The following AFF3 variants were observed in gnomAD, a reference collection of about 807,000 sequenced individuals.
The protein encoded by AFF3 is ALF transcription elongation factor 3.
AFF3 carries 32 observed loss-of-function variants against 129.7 expected under a neutral mutation model. That is an observed-to-expected ratio of 0.25 (90% CI 0.19 to 0.33). AFF3 has a LOEUF of 0.33. Among genes scored for constraint, AFF3 ranks in the 10% least tolerant of loss-of-function variants. The pLI is 1.00. For synonymous variants in AFF3, 644 were observed against 635.4 expected (o/e 1.01, Z -0.20); for missense variants, 1,373 against 1,592.0 (o/e 0.86, Z 2.34).
At chr2:99,673,202 G>C (rs1299883629) in intron 11 of AFF3, among the ~76,000 whole-genome samples, 1 of 152,038 alleles carries the variant, frequency 6.6e-6, no homozygotes, top group Non-Finnish European at 1.5e-5. Flanking sequence ...ATGAGAAAAA[G>C]AGCCATAAAG....
intron 4 of AFF3, among the ~76,000 whole-genome samples, chr2:100,015,181 T>G (rs1244621238): frequency 6.6e-6 from 1 of 152,122 alleles, no homozygotes; most frequent in Non-Finnish European, 1.5e-5. Context: ...AACCTATCAT[T>G]GCTACCTCAC....
At chr2:99,563,885 T>C (rs1461824802) in intron 20 of AFF3, among the ~76,000 whole-genome samples, 1 of 151,804 alleles carries the variant, frequency 6.6e-6, no homozygotes, top group Non-Finnish European at 1.5e-5. Context: ...TTTCTCTGTA[T>C]TTTGCGTGAT....
chr2:99,851,579 T>C (rs923428407), intron 7 of AFF3, among the ~76,000 whole-genome samples: 6 of 152,168 alleles, frequency 3.9e-5, no homozygotes, highest in African/African-American at 1.2e-4. Context: ...CATAAACCCA[T>C]AATACAAAGA....
intron 7 of AFF3, among the ~76,000 whole-genome samples, chr2:99,843,994 C>A (rs1020103772): frequency 4.6e-5 from 7 of 152,050 alleles, no homozygotes; most frequent in African/African-American, 1.7e-4. Context: ...TGCACCACTG[C>A]ACTCCAGCCT....
In AFF3 at chr2:99,785,840, C is replaced by T. The variant is rs149124505; in HGVS notation, c.922-33539G>A. ...TCAGCTCACTGCAACCTCAGCCTCC[C>T]GGGTTCAAGCGATTCTGCTGCCTCA... is the stretch of plus-strand genomic sequence containing the variant. On this transcript the variant is annotated intron_variant, in intron 8 of 24. Coordinates refer to ENST00000672756, the MANE Select transcript of AFF3 (RefSeq NM_001386135.1). 1.2e-3 allele frequency among the ~76,000 whole-genome samples: 177 copies of T among 152,222 alleles called. 1 individual carries two copies. The highest frequency in any genetic ancestry group is 3.5e-3 in the African/African-American group (144 of 41,538).
At chr2:99,952,422 G>C (rs940957025) in intron 7 of AFF3, among the ~76,000 whole-genome samples, 4 of 151,842 alleles carry the variant, frequency 2.6e-5, no homozygotes, top group African/African-American at 9.7e-5. Flanking sequence ...CCAGTCTCAG[G>C]CATTTCTTTA....
intron 4 of AFF3, among the ~76,000 whole-genome samples, chr2:100,062,975 G>A (rs1012377102): frequency 6.6e-6 from 1 of 151,804 alleles, no homozygotes; most frequent in Admixed American, 6.6e-5. Context: ...GCAGGGCTGG[G>A]TGCAGTGGCT....
intron 7 of AFF3, among the ~76,000 whole-genome samples, chr2:99,866,023 C>G (rs1691366986): frequency 6.6e-6 from 1 of 152,208 alleles, no homozygotes; most frequent in Non-Finnish European, 1.5e-5. Flanking sequence ...TCGCAATACT[C>G]AAGCTTTCCA....
At chr2:99,748,847 C>G (rs567238800) in intron 9 of AFF3, among the ~76,000 whole-genome samples, 10 of 152,320 alleles carry the variant, frequency 6.6e-5, no homozygotes, top group Admixed American at 2.6e-4. Flanking sequence ...CCAAGGATGG[C>G]TCTGTAACAC....
intron 8 of AFF3, among the ~76,000 whole-genome samples, chr2:99,816,430 T>C (rs1339952868): frequency 6.6e-6 from 1 of 152,216 alleles, no homozygotes; most frequent in Non-Finnish European, 1.5e-5. Context: ...AAGCCAAACA[T>C]GTCATCTAGG....
In AFF3 at chr2:99,845,845, T is replaced by C. The variant is rs563999613; in HGVS notation, c.874-8321A>G. Among the ~76,000 whole-genome samples, 7 of 152,300 alleles carry C rather than the reference T, an allele frequency of 4.6e-5. No homozygotes were observed. The East Asian group carries it at 1.4e-3, about 29-fold the overall frequency. ...AATTAAATTAATTAATTAATTTCTTTATTTTGAGACGGAGTCTTGCTCTGT... is the reference window on the plus strand; with the variant it reads ...AATTAAATTAATTAATTAATTTCTTCATTTTGAGACGGAGTCTTGCTCTGT... On this transcript the variant is annotated intron_variant, in intron 7 of 24. Transcript: ENST00000672756.
chr2:100,011,211 T>A (rs567990622), intron 4 of AFF3, among the ~76,000 whole-genome samples: 3 of 152,072 alleles, frequency 2.0e-5, no homozygotes, highest in Non-Finnish European at 4.4e-5. Context: ...GAGGCGGAGC[T>A]TGCAGTGAGC....
chr2:99,700,870 A>G (rs1450273440), intron 11 of AFF3, among the ~76,000 whole-genome samples: 1 of 152,214 alleles, frequency 6.6e-6, no homozygotes, highest in East Asian at 1.9e-4. Context: ...GTCTGTTGTG[A>G]GGTCCACTGG....
chr2:99,870,094 A>C (rs1691759163), intron 7 of AFF3, among the ~76,000 whole-genome samples: 1 of 152,038 alleles, frequency 6.6e-6, no homozygotes, highest in African/African-American at 2.4e-5. Flanking sequence ...TTACCTCAAC[A>C]CCAGTGTCTG....
intron 8 of AFF3, among the ~76,000 whole-genome samples, chr2:99,777,947 C>CAAAAAAA (rs576434643): frequency 0.016 from 783 of 47,856 alleles, no homozygotes; most frequent in East Asian, 0.022. Flanking sequence ...AAAGCAAAAG[C>CAAAAAAA]AAAAAAAAAA....
intron 24 of AFF3, among the ~76,000 whole-genome samples, chr2:99,553,917 C>CAAAAAAAAAAAAAAAAAAAAAAGAAAA (rs1674649199): frequency 1.4e-5 from 1 of 72,454 alleles, no homozygotes; most frequent in Non-Finnish European, 2.4e-5. Flanking sequence ...CTGTCTCAAA[C>CAAAAAAAAAAAAAAAAAAAAAAGAAAA]CAAAAAAAAA....
At chr2:100,119,710 A>C (rs1691873378) in intron 2 of AFF3, among the ~76,000 whole-genome samples, 1 of 152,234 alleles carries the variant, frequency 6.6e-6, no homozygotes, top group Non-Finnish European at 1.5e-5. Context: ...CAGGGAAGAA[A>C]GTGTGGTTTA....
chr2:99,626,689 T>C (rs1051578241), intron 13 of AFF3, among the ~76,000 whole-genome samples: 1 of 152,120 alleles, frequency 6.6e-6, no homozygotes. Flanking sequence ...GTTAAGCCTG[T>C]TATCCATTAG....
chr2:99,998,427 A>C lies in AFF3; in HGVS notation c.873+8205T>G, dbSNP rs143890255. ...TCAGCAGGGATGCCACAGAGAGCAT[A>C]GAGCATCCCTCGGGGGATGGAGGAG... On this transcript the variant is annotated intron_variant, in intron 7 of 24. Coordinates refer to ENST00000672756, the MANE Select transcript of AFF3 (RefSeq NM_001386135.1). Among the ~76,000 whole-genome samples the C allele has an allele frequency of 4.8e-3, 734 of 152,216 alleles. 4 individuals carry two copies. Among genetic ancestry groups the C allele is most frequent in the African/African-American group, 0.017 (702 of 41,536 alleles).
Sources: allele counts gnomAD v4.1 joint callset (sites outside exome capture counted in the v4.1 genomes callset), GRCh38; gene constraint gnomAD v4.1.1; transcripts MANE v1.5; gene names NCBI Gene and HGNC (gene_info 2026-07-23, HGNC 2026-07-21).